The following MBD6 variants were observed in gnomAD, a reference collection of about 807,000 sequenced individuals.
MBD6 encodes methyl-CpG binding domain protein 6, also known as methyl-CpG-binding domain protein 6.
A neutral mutation model predicts 66.8 loss-of-function variants in MBD6; 22 were observed. The ratio of observed to expected loss-of-function variants is 0.33; its 90% CI spans 0.24 to 0.47. MBD6 has a LOEUF of 0.47. Among genes scored for constraint, MBD6 ranks in the 20% least tolerant of loss-of-function variants. The probability of loss-of-function intolerance (pLI) is 1.00; values close to 1 mark genes in which losing one functional copy is unlikely to be tolerated. For missense variants in MBD6, 1,322 were observed against 1,286.9 expected (o/e 1.03, Z -0.42); for synonymous variants, 540 against 534.6 (o/e 1.01, Z -0.14).
chr12:57,524,118 C>A (rs1021380742), intron 2 of MBD6, 26 bp downstream of exon 2: 35 of 442,588 alleles, frequency 7.9e-5, no homozygotes, highest in Admixed American at 1.9e-4. Flanking sequence ...CGGCAGAGGA[C>A]TCCTCAGTCT....
At chr12:57,521,935 C>T (rs1878371117), upstream of MBD6, 1 of 152,126 alleles carries the variant, frequency 6.6e-6, no homozygotes, top group African/African-American at 2.4e-5. Context: ...TCTTACCGTC[C>T]TTGTTTGTAA....
At position 57,527,230 on chromosome 12, in the gene MBD6, G is replaced by A; in HGVS notation, c.2082+3G>A. ...CCCCCTCGGGGACACCCCCCCAGGT[G>A]AGGATGGGGGTGAGTAGGTGGGACA... On this transcript the variant is annotated splice_donor_region_variant and intron_variant, in intron 7 of 12. Transcript: ENST00000355673. The A allele has an allele frequency of 6.7e-7, 1 of 1,496,240 alleles. No individual in the cohort carries two copies. The highest frequency in any genetic ancestry group is 2.3e-5 in the East Asian group (1 of 43,584). 92.7% of individuals were successfully genotyped at this position (1,496,240 alleles called of 1,614,324 possible). A position where few individuals can be genotyped will look rare whatever the true frequency, so the allele number is the denominator to read the frequency against.
chr12:57,524,602 C>T, intron 3 of MBD6, 118 bp from the exon 4 acceptor site: 1 of 1,126,434 alleles, frequency 8.9e-7, no homozygotes, highest in Non-Finnish European at 1.3e-6. Context: ...CTGTGTCTTC[C>T]CACATTCCTT....
intron 5 of MBD6, 75 bp from the exon 6 acceptor site, chr12:57,525,273 G>C: frequency 1.3e-6 from 2 of 1,488,868 alleles, no homozygotes; most frequent in Middle Eastern, 2.0e-4. Context: ...ACTTGTGGGA[G>C]ATGGGACTAG....
In MBD6 at chr12:57,527,632, T is replaced by C. The variant is rs955351429; in HGVS notation, c.2208T>C (p.Leu736=). 2 of 1,608,452 alleles carry C rather than the reference T, an allele frequency of 1.2e-6. No individual in the cohort carries two copies. Among genetic ancestry groups the C allele is most frequent in the Middle Eastern group, 1.7e-4 (1 of 6,042 alleles). The change falls in exon 8 of 13, where the codon CTT becomes CTC. Residue 736 remains leucine, a synonymous_variant. Transcript: ENST00000355673. ...PSNSGRPPQL[L]SPLLGASLLG... ...ACTCAGGGAGACCCCCCCAACTCCT[T>C]AGCCCTCTGCTGGGTGCCAGCCTGC...
chr12:57,520,767 G>A (rs1431727622), upstream of MBD6: 1 of 275,818 alleles, frequency 3.6e-6, no homozygotes, highest in Non-Finnish European at 6.7e-6. Context: ...GCGCGCGCGC[G>A]GAGGGGAGTG....
Position 57,529,156 on chromosome 12 carries a change from T to C in MBD6, c.2938-4T>C, listed in dbSNP as rs543493124. 1.1e-5 allele frequency: 18 copies of C among 1,614,106 alleles called. No homozygotes were observed. In the East Asian group the frequency reaches 3.6e-4, roughly 32 times the overall value. On this transcript the variant is annotated splice_polypyrimidine_tract_variant and splice_region_variant and intron_variant, in intron 12 of 12. Transcript: ENST00000355673. ...ACTTCTATCAACTTCCCCTCTGATA[T>C]TAGGCAGCTGTCCCTCTGCCTCCCC...
At position 57,527,856 on chromosome 12, in the gene MBD6, T is replaced by C. The variant is rs769973569; in HGVS notation, c.2245T>C (p.Ser749Pro). The change falls in exon 9 of 13, where the codon TCT becomes CCT. Residue 749 changes from serine (S) to proline (P), a missense_variant. Physicochemically the swap from Ser to Pro is moderately conservative, Grantham distance 74. Coordinates refer to ENST00000355673, the MANE Select transcript of MBD6 (RefSeq NM_052897.4). Reference sequence around the variant, plus strand: ...CTATAATTTCTCAACAGGTGACCTGTCTTCACTGACCAGCAGCCCTGGAGC... The same window carrying C: ...CTATAATTTCTCAACAGGTGACCTGCCTTCACTGACCAGCAGCCCTGGAGC... ...LLGASLLGDL[S>P]SLTSSPGALP... is the part of the protein sequence containing the mutation. 1 of 1,613,378 alleles carries C rather than the reference T, an allele frequency of 6.2e-7. No individual in the cohort carries two copies. Among genetic ancestry groups the C allele is most frequent in the East Asian group, 2.2e-5 (1 of 44,846 alleles).
At chr12:57,521,415 T>G (rs911618546), upstream of MBD6, among the ~76,000 whole-genome samples, 1 of 152,086 alleles carries the variant, frequency 6.6e-6, no homozygotes, top group South Asian at 2.1e-4. Context: ...GTGACCGAGA[T>G]CGCGCCACTG....
In MBD6 at chr12:57,524,897, C is replaced by A. The variant is rs1878751349; in HGVS notation, c.217-56C>A. On this transcript the variant is annotated intron_variant, in intron 4 of 12. Coordinates refer to ENST00000355673, the MANE Select transcript of MBD6 (RefSeq NM_052897.4). ...TAATGCAAATCACTGACTGAGGTAG[C>A]CCTTCTCACAGGTTCCAGCCCCTCA... is the stretch of plus-strand genomic sequence containing the variant. 1.9e-6 allele frequency: 3 copies of A among 1,607,458 alleles called. No individual in the cohort carries two copies. The Admixed American group carries it at 5.0e-5, about 27-fold the overall frequency.
At position 57,526,605 on chromosome 12, in the gene MBD6, TC is replaced by T; in HGVS notation, c.1464del (p.Ser489AlafsTer41). Reference sequence around the variant, plus strand: ...CCAGCTGCCTCCAAAGCCCCAGTAGTCCCCAGCCCTGTGCTTCAAAGCCCAT... The same window carrying T: ...CCAGCTGCCTCCAAAGCCCCAGTAGTCCCAGCCCTGTGCTTCAAAGCCCAT... ...APPAASKAPV[V>X]PSPVLQSPSE... On this transcript the variant is annotated frameshift_variant, in exon 7 of 13. Transcript: ENST00000355673. LOFTEE classifies it high-confidence loss of function. 1 of 1,510,180 alleles carries T rather than the reference TC, an allele frequency of 6.6e-7. No homozygotes were observed. The allele number at this position is 1,510,180 out of a possible 1,614,324, so 93.5% of individuals were successfully genotyped here.
chr12:57,529,428 ACCAC>A lies in MBD6; in HGVS notation c.*197_*200del. The A allele has an allele frequency of 2.5e-6, 1 of 396,990 alleles. No homozygotes were observed. The highest frequency in any genetic ancestry group is 4.1e-5 in the East Asian group (1 of 24,242). 24.6% of individuals were successfully genotyped at this position (396,990 alleles called of 1,614,324 possible). ...GGGGCAGGGAAGTTCACCCCCCCCC[ACCAC>A]CCCCCCGCCCCCCCGAAGCCATGTC... On this transcript the variant is annotated 3_prime_UTR_variant, in exon 13 of 13. Coordinates refer to ENST00000355673, the MANE Select transcript of MBD6 (RefSeq NM_052897.4).
In MBD6 at chr12:57,526,618, GCTT is replaced by G. The variant is rs1272931804; in HGVS notation, c.1475_1477del (p.Leu492del). The G allele has an allele frequency of 1.3e-6, 2 of 1,513,250 alleles. No homozygotes were observed. The highest frequency in any genetic ancestry group is 1.8e-6 in the Non-Finnish European group (2 of 1,131,774). 93.7% of individuals were successfully genotyped at this position (1,513,250 alleles called of 1,614,324 possible). A position where few individuals can be genotyped will look rare whatever the true frequency, so the allele number is the denominator to read the frequency against. On this transcript the variant is annotated inframe_deletion, in exon 7 of 13. Transcript: ENST00000355673. ...AAGCCCCAGTAGTCCCCAGCCCTGTGCTTCAAAGCCCATCCGAAGGACTGGGGA... is the reference window on the plus strand; with the variant it reads ...AAGCCCCAGTAGTCCCCAGCCCTGTGCAAAGCCCATCCGAAGGACTGGGGA...
chr12:57,530,741 A>G (rs754080721), downstream of MBD6: 8 of 1,613,872 alleles, frequency 5.0e-6, no homozygotes, highest in Admixed American at 1.7e-5. Context: ...GTTCCCCTCA[A>G]CTGTGGCCAG....
upstream of MBD6, chr12:57,520,963 C>A (rs1039057750): frequency 3.3e-5 from 5 of 153,616 alleles, no homozygotes; most frequent in African/African-American, 1.2e-4. Flanking sequence ...TTGGTCGCCC[C>A]TAGTCGGTCG....
downstream of MBD6, chr12:57,530,311 C>CA (rs1396015161): frequency 5.7e-6 from 1 of 174,506 alleles, no homozygotes; most frequent in Non-Finnish European, 1.2e-5. Context: ...AGAGGCCACA[C>CA]AGAGTACAAC....
rs762880749 is a variant in MBD6 at position 57,528,369 on chromosome 12, G to T, written c.2629G>T (p.Gly877Cys). 6.5e-5 allele frequency: 105 copies of T among 1,612,472 alleles called. No homozygotes were observed. Among genetic ancestry groups the T allele is most frequent in the Non-Finnish European group, 8.6e-5 (101 of 1,179,818 alleles). ...TAATGGTGAGGCCAGGCCAGCCCGG[G>T]GCCGAAAGCCTGGCAGCCGGCGGGA... ...GINGEARPAR[G>C]RKPGSRREPG... is the part of the protein sequence containing the mutation. The change falls in exon 10 of 13, where the codon GGC becomes TGC. Residue 877 changes from glycine to cysteine, a missense_variant. Physicochemically the swap from Gly to Cys is radical, Grantham distance 159. Coordinates refer to ENST00000355673, the MANE Select transcript of MBD6 (RefSeq NM_052897.4).
At chr12:57,528,841 A>G (rs1879294091) in intron 11 of MBD6, 105 bp from the exon 12 acceptor site, 1 of 1,600,138 alleles carries the variant, frequency 6.2e-7, no homozygotes. Flanking sequence ...ATGAATAAGG[A>G]TATTATGCCT....
Position 57,526,267 on chromosome 12 carries a change from G to A in MBD6, c.1299G>A (p.Leu433=), listed in dbSNP as rs758882640. 3 of 1,613,642 alleles carry A rather than the reference G, an allele frequency of 1.9e-6. No individual in the cohort carries two copies. The highest frequency in any genetic ancestry group is 2.5e-6 in the Non-Finnish European group (3 of 1,179,924). Residue 433 remains leucine (L), a synonymous_variant, in exon 6 of 13, where the codon TTG becomes TTA. Coordinates refer to ENST00000355673, the MANE Select transcript of MBD6 (RefSeq NM_052897.4). ...PSHSDGSFNL[L]GSDAHLPPPP... is the part of the protein sequence containing the mutation. ...ACTCTGATGGAAGCTTTAACCTTTT[G>A]GGGTCAGATGCACACCTTCCTCCTC...
Sources: allele counts gnomAD v4.1 joint callset (sites outside exome capture counted in the v4.1 genomes callset), GRCh38; gene constraint gnomAD v4.1.1; transcripts MANE v1.5; gene names NCBI Gene and HGNC (gene_info 2026-07-23, HGNC 2026-07-21).